Variants in ZFHX3 observed in about 807,000 individuals in gnomAD.
ZFHX3 encodes zinc finger homeobox 3.
Under a neutral mutation model 279.1 loss-of-function variants are expected in ZFHX3, and 42 were observed. The observed-to-expected ratio is 0.15, with a 90% CI of 0.12 to 0.19. The LOEUF (loss-of-function observed/expected upper bound fraction) is 0.19. Ranked by LOEUF, ZFHX3 falls within the 10% of genes least tolerant of loss-of-function variation. The pLI is 1.00. For missense variants in ZFHX3, 4,981 were observed against 4,754.0 expected (o/e 1.05, Z -1.40); for synonymous variants, 2,293 against 1,957.8 (o/e 1.17, Z -4.52).
At chr16:73,758,585 A>G in intron 1 of ZFHX3, among the ~76,000 whole-genome samples, 1 of 152,188 alleles carries the variant, frequency 6.6e-6, no homozygotes, top group East Asian at 1.9e-4. Flanking sequence ...CCAAAATTCA[A>G]GTATTTTAAT....
chr16:73,166,931 G>A (rs1025556961), intron 5 of ZFHX3, among the ~76,000 whole-genome samples: 13 of 152,128 alleles, frequency 8.5e-5, no homozygotes, highest in Admixed American at 1.3e-4. Flanking sequence ...TAATGTCATT[G>A]ACAACACAAC....
At position 73,392,288 on chromosome 16, in the gene ZFHX3, G is replaced by C. The variant is rs541060605; in HGVS notation, c.-1291+63715C>G. ...ACACAAAAATCAGCTGGGTGTGGTG[G>C]GGTGTGCCTATAGCCCCAGCTACTC... On this transcript the variant is annotated intron_variant, in intron 3 of 17. Transcript: ENST00000641206. Among the ~76,000 whole-genome samples the C allele has an allele frequency of 5.2e-4, 79 of 151,762 alleles. No individual in the cohort carries two copies. The South Asian group carries it at 0.016, about 31-fold the overall frequency.
At chr16:72,990,112 T>C (rs1413791465) in intron 1 of ZFHX3, among the ~76,000 whole-genome samples, 1 of 152,156 alleles carries the variant, frequency 6.6e-6, no homozygotes, top group Non-Finnish European at 1.5e-5. Context: ...AAGTCCTGGC[T>C]GATTTCTGAC....
At chr16:72,848,606 C>T (rs2037534798) in intron 4 of ZFHX3, among the ~76,000 whole-genome samples, 1 of 151,948 alleles carries the variant, frequency 6.6e-6, no homozygotes, top group African/African-American at 2.4e-5. Context: ...CGGCGGCCTC[C>T]CAGGCTGGGT....
intron 4 of ZFHX3, among the ~76,000 whole-genome samples, chr16:72,833,234 A>G (rs1258055378): frequency 1.3e-5 from 2 of 152,214 alleles, no homozygotes; most frequent in African/African-American, 4.8e-5. Context: ...TCCACACGCT[A>G]AGCTCCTAGG....
chr16:73,590,637 A>C (rs75830378), intron 2 of ZFHX3, among the ~76,000 whole-genome samples: 4 of 152,342 alleles, frequency 2.6e-5, no homozygotes, highest in African/African-American at 7.2e-5. Flanking sequence ...TTGGTAAATG[A>C]AGGAAAATAA....
intron 1 of ZFHX3, among the ~76,000 whole-genome samples, chr16:72,972,274 TCC>T (rs916733076): frequency 2.0e-5 from 3 of 152,088 alleles, no homozygotes; most frequent in African/African-American, 7.2e-5. Flanking sequence ...TGACTGGTGA[TCC>T]CTCCCCCTTG....
At chr16:72,864,220 T>C (rs530338627) in intron 4 of ZFHX3, among the ~76,000 whole-genome samples, 1 of 152,274 alleles carries the variant, frequency 6.6e-6, no homozygotes, top group East Asian at 1.9e-4. Context: ...ACCTGACCCT[T>C]ATATTTTTTT....
chr16:73,065,566 G>GGTGTGTGTGT (rs10540025), intron 8 of ZFHX3, among the ~76,000 whole-genome samples: 6 of 144,592 alleles, frequency 4.1e-5, no homozygotes, highest in Non-Finnish European at 9.1e-5. Context: ...AGCTTTTCCT[G>GGTGTGTGTGT]GTGTGTGTGT....
intron 2 of ZFHX3, among the ~76,000 whole-genome samples, chr16:73,516,374 A>C (rs1170745343): frequency 2.0e-5 from 3 of 152,198 alleles, no homozygotes; most frequent in Admixed American, 2.0e-4. Flanking sequence ...AACCGCACAT[A>C]AGAGATACAC....
rs71156139 is a variant in ZFHX3, at chr16:73,083,021, TAAAAAAA to T, written c.-533+10207_-533+10213del. On this transcript the variant is annotated intron_variant, in intron 8 of 17. Transcript: ENST00000641206. Reference sequence around the variant, plus strand: ...CAACATGGTGAAACTCCATCTCTACTAAAAAAAAAAAAAAAAAAAAAAAATACAAAAA... The same window carrying T: ...CAACATGGTGAAACTCCATCTCTACTAAAAAAAAAAAAAAAAATACAAAAA... 3.0e-3 allele frequency among the ~76,000 whole-genome samples: 399 copies of T among 132,030 alleles called. 1 individual carries two copies. The highest frequency in any genetic ancestry group is 0.022 in the East Asian group (105 of 4,742). 86.6% of individuals were successfully genotyped at this position (132,030 alleles called of 152,430 possible).
At position 73,277,391 on chromosome 16, in the gene ZFHX3, G is replaced by T. The variant is rs550307973; in HGVS notation, c.-1193-20255C>A. ...CTCCAGAGGCCCAGAGCAGGGCCAG[G>T]CTCCCTGGATTTTAGCTCTAGGTGT... On this transcript the variant is annotated intron_variant, in intron 4 of 17. Transcript: ENST00000641206. Among the ~76,000 whole-genome samples, 154 of 152,278 alleles carry T rather than the reference G, an allele frequency of 1.0e-3. 1 individual carries two copies. The highest frequency in any genetic ancestry group is 3.5e-3 in the African/African-American group (146 of 41,558).
intron 8 of ZFHX3, among the ~76,000 whole-genome samples, chr16:73,079,786 C>T (rs1965925132): frequency 2.0e-5 from 3 of 152,198 alleles, no homozygotes; most frequent in Non-Finnish European, 2.9e-5. Flanking sequence ...CCTGAAGAAT[C>T]ATTTAAATGT....
Position 73,472,851 on chromosome 16 carries a change from G to A in ZFHX3, c.-1546-16593C>T, listed in dbSNP as rs550687836. 3.9e-5 allele frequency among the ~76,000 whole-genome samples: 6 copies of A among 152,270 alleles called. No individual in the cohort carries two copies. The South Asian group carries it at 8.3e-4, about 21-fold the overall frequency. On this transcript the variant is annotated intron_variant, in intron 2 of 17. Coordinates refer to the ZFHX3 transcript ENST00000641206. ...GCTGCAGGTCTCGCCCAGCCCAGAA[G>A]CATGGTTCCTTCTATTGCCACCTTG...
intron 3 of ZFHX3, among the ~76,000 whole-genome samples, chr16:72,918,497 AATC>A (rs1355668381): frequency 1.3e-5 from 2 of 152,194 alleles, no homozygotes; most frequent in Admixed American, 1.3e-4. Flanking sequence ...ACACTTACAA[AATC>A]ATCATATCAC....
At chr16:73,107,826 G>A (rs1408236822) in intron 7 of ZFHX3, among the ~76,000 whole-genome samples, 1 of 151,946 alleles carries the variant, frequency 6.6e-6, no homozygotes, top group Non-Finnish European at 1.5e-5. Flanking sequence ...GGCAGCCTGA[G>A]CAACATAGTG....
intron 1 of ZFHX3, among the ~76,000 whole-genome samples, chr16:73,690,950 A>T (rs988926205): frequency 1.3e-5 from 2 of 152,236 alleles, no homozygotes; most frequent in Non-Finnish European, 2.9e-5. Context: ...GGTTTGGAGT[A>T]GTTTGTTATT....
intron 2 of ZFHX3, among the ~76,000 whole-genome samples, chr16:72,954,022 C>T (rs557637284): frequency 2.0e-5 from 3 of 152,346 alleles, no homozygotes; most frequent in Admixed American, 6.5e-5. Flanking sequence ...AATCCAGCTG[C>T]CACAAAGTGG....
intron 4 of ZFHX3, among the ~76,000 whole-genome samples, chr16:72,856,703 C>T (rs1396670449): frequency 6.6e-6 from 1 of 152,200 alleles, no homozygotes; most frequent in Non-Finnish European, 1.5e-5. Context: ...AACCTCAATG[C>T]TCAAGAGCTG....
Sources: allele counts gnomAD v4.1 joint callset (sites outside exome capture counted in the v4.1 genomes callset), GRCh38; gene constraint gnomAD v4.1.1; transcripts MANE v1.5; gene names NCBI Gene and HGNC (gene_info 2026-07-23, HGNC 2026-07-21).